The following LCLAT1 variants were observed in gnomAD, a reference collection of about 807,000 sequenced individuals.
The protein encoded by LCLAT1 is lysocardiolipin acyltransferase 1.
A neutral mutation model predicts 30.7 loss-of-function variants in LCLAT1; 11 were observed. The observed-to-expected ratio is 0.36, with a 90% confidence interval of 0.23 to 0.59. LCLAT1 has a LOEUF of 0.59. Ranked by LOEUF, LCLAT1 falls within the 20% of genes least tolerant of loss-of-function variation. The probability of loss-of-function intolerance (pLI) is 0.77; values close to 1 mark genes in which losing one functional copy is unlikely to be tolerated. For missense variants in LCLAT1, 402 were observed against 458.6 expected (o/e 0.88, Z 1.13); for synonymous variants, 155 against 151.3 (o/e 1.02, Z -0.18).
intron 1 of LCLAT1, among the ~76,000 whole-genome samples, chr2:30,452,385 T>G (rs950447909): frequency 2.1e-5 from 3 of 142,004 alleles, no homozygotes; most frequent in African/African-American, 8.7e-5. Flanking sequence ...AAAGTATAAT[T>G]TTTTTTTTTT....
chr2:30,539,140 A>G (rs1375440868), intron 3 of LCLAT1, among the ~76,000 whole-genome samples: 1 of 150,622 alleles, frequency 6.6e-6, no homozygotes, highest in Non-Finnish European at 1.5e-5. Flanking sequence ...TTGTATCTTT[A>G]GTAGAGATGG....
intron 5 of LCLAT1, among the ~76,000 whole-genome samples, chr2:30,610,300 G>A (rs1433335099): frequency 6.6e-6 from 1 of 151,938 alleles, no homozygotes; most frequent in African/African-American, 2.4e-5. Context: ...TTGAATTGAT[G>A]CCTCTGGCTT....
At chr2:30,599,959 TGCTG>T (rs1558546546) in intron 5 of LCLAT1, among the ~76,000 whole-genome samples, 2 of 152,250 alleles carry the variant, frequency 1.3e-5, no homozygotes, top group Non-Finnish European at 2.9e-5. Flanking sequence ...GTCATCATAA[TGCTG>T]GCTGGTTATT....
At chr2:30,486,469 T>A (rs192457175) in intron 1 of LCLAT1, among the ~76,000 whole-genome samples, 1 of 152,302 alleles carries the variant, frequency 6.6e-6, no homozygotes, top group East Asian at 1.9e-4. Context: ...ACTCTTCTCT[T>A]GCTGCTCCCC....
At chr2:30,487,754 C>G (rs189740273) in intron 1 of LCLAT1, among the ~76,000 whole-genome samples, 1 of 152,150 alleles carries the variant, frequency 6.6e-6, no homozygotes, top group African/African-American at 2.4e-5. Flanking sequence ...AGAGTCCTGT[C>G]TGAGAGAGTG....
chr2:30,469,848 C>T (rs1478558762), intron 1 of LCLAT1, among the ~76,000 whole-genome samples: 1 of 152,066 alleles, frequency 6.6e-6, no homozygotes, highest in East Asian at 1.9e-4. Flanking sequence ...CTGCTTCGGC[C>T]TCCCAAAGTG....
chr2:30,450,156 G>A (rs1204038852), intron 1 of LCLAT1, among the ~76,000 whole-genome samples: 1 of 152,236 alleles, frequency 6.6e-6, no homozygotes, highest in East Asian at 1.9e-4. Flanking sequence ...AACTAATAAA[G>A]CATGATAAGG....
chr2:30,546,398 A>G (rs546157833), intron 3 of LCLAT1, among the ~76,000 whole-genome samples: 1 of 152,188 alleles, frequency 6.6e-6, no homozygotes, highest in Non-Finnish European at 1.5e-5. Context: ...TTTAGAGATC[A>G]TGAATAAAAA....
At chr2:30,459,738 G>A in intron 1 of LCLAT1, 1 of 1,552,288 alleles carries the variant, frequency 6.4e-7, no homozygotes, top group Non-Finnish European at 8.9e-7. Context: ...TCTTTGTAAT[G>A]ATTTAGATGC....
chr2:30,604,953 C>G (rs1039063869), intron 5 of LCLAT1, among the ~76,000 whole-genome samples: 3 of 152,174 alleles, frequency 2.0e-5, no homozygotes, highest in African/African-American at 7.2e-5. Context: ...TGTGTCCTTG[C>G]CGCCCCCACA....
intron 1 of LCLAT1, among the ~76,000 whole-genome samples, chr2:30,450,148 CTAAT>C (rs1251231320): frequency 2.0e-5 from 3 of 152,146 alleles, no homozygotes; most frequent in African/African-American, 7.2e-5. Context: ...AAATGATTAA[CTAAT>C]AAAGCATGAT....
chr2:30,640,180 A>G lies in LCLAT1; in HGVS notation c.692A>G (p.Glu231Gly), dbSNP rs901968916. ...TATCCTCACAACATTCCTCAATCAG[A>G]GAAGCACCTCCTCCAAGGAGACTTT... is the stretch of plus-strand genomic sequence containing the variant. ...VAYPHNIPQS[E>G]KHLLQGDFPR... The change falls in exon 6 of 6, where the codon GAG (glutamate) becomes GGG (glycine). Residue 231 changes from glutamate to glycine, a missense_variant. Physicochemically the swap from Glu to Gly is moderately conservative, Grantham distance 98. Coordinates refer to ENST00000379509, the MANE Select transcript of LCLAT1 (RefSeq NM_001002257.3). 4 of 1,614,124 alleles carry G rather than the reference A, an allele frequency of 2.5e-6. No homozygotes were observed. The Admixed American group carries it at 5.0e-5, about 20-fold the overall frequency.
At chr2:30,463,339 T>C (rs1178505972) in intron 1 of LCLAT1, among the ~76,000 whole-genome samples, 8 of 152,176 alleles carry the variant, frequency 5.3e-5, no homozygotes, top group Admixed American at 4.6e-4. Flanking sequence ...ATGGTTTCTA[T>C]TAATATATAA....
At chr2:30,608,981 C>T (rs1229030671) in intron 5 of LCLAT1, among the ~76,000 whole-genome samples, 4 of 152,100 alleles carry the variant, frequency 2.6e-5, no homozygotes, top group Non-Finnish European at 5.9e-5. Flanking sequence ...TTGGTATTAT[C>T]CAGCTTTCTA....
chr2:30,589,398 A>G (rs996220965), intron 5 of LCLAT1, among the ~76,000 whole-genome samples: 12 of 152,058 alleles, frequency 7.9e-5, no homozygotes, highest in Non-Finnish European at 1.2e-4. Flanking sequence ...ATGAATTGAG[A>G]AAAAGGTGGA....
At chr2:30,548,219 C>T (rs184295893) in intron 3 of LCLAT1, among the ~76,000 whole-genome samples, 4 of 152,112 alleles carry the variant, frequency 2.6e-5, no homozygotes, top group Admixed American at 2.0e-4. Flanking sequence ...CGAAAAGAAT[C>T]GAACTCTGTA....
intron 5 of LCLAT1, among the ~76,000 whole-genome samples, chr2:30,603,642 G>T (rs1667292196): frequency 6.6e-6 from 1 of 152,122 alleles, no homozygotes; most frequent in South Asian, 2.1e-4. Flanking sequence ...ACTAAAAAGG[G>T]TGATAGAGAA....
intron 3 of LCLAT1, among the ~76,000 whole-genome samples, chr2:30,558,492 C>G (rs577121720): frequency 6.7e-6 from 1 of 149,190 alleles, no homozygotes. Flanking sequence ...CCCAACTACT[C>G]GAGGCTGAGG....
chr2:30,531,020 CT>C (rs1363843091), intron 2 of LCLAT1, among the ~76,000 whole-genome samples: 2 of 152,124 alleles, frequency 1.3e-5, no homozygotes, highest in African/African-American at 2.4e-5. Flanking sequence ...AATCCCAGCA[CT>C]TTTGGAGGCC....
Sources: allele counts gnomAD v4.1 joint callset (sites outside exome capture counted in the v4.1 genomes callset), GRCh38; gene constraint gnomAD v4.1.1; transcripts MANE v1.5; gene names NCBI Gene and HGNC (gene_info 2026-07-23, HGNC 2026-07-21).